Variants in DIP2C observed in about 807,000 individuals in gnomAD.
The protein encoded by DIP2C is DIP2 acetate--CoA ligase C (putative).
A neutral mutation model predicts 192.4 loss-of-function variants in DIP2C; 33 were observed. The ratio of observed to expected loss-of-function variants is 0.17; its 90% CI spans 0.13 to 0.23. The LOEUF is 0.23. Among genes scored for constraint, DIP2C ranks in the 10% least tolerant of loss-of-function variants. The pLI is 1.00. For synonymous variants in DIP2C, 979 were observed against 864.1 expected (o/e 1.13, Z -2.33); for missense variants, 1,537 against 2,110.1 (o/e 0.73, Z 5.32).
intron 1 of DIP2C, among the ~76,000 whole-genome samples, chr10:601,903 AT>A (rs1852101018): frequency 6.6e-6 from 1 of 152,102 alleles, no homozygotes. Context: ...AGGAACCAAG[AT>A]TTGGCTAACA....
rs1435691808 is a variant in DIP2C, at chr10:414,756, T to TATATATAA, written c.860-647_860-646insTTATATAT. Among the ~76,000 whole-genome samples, 43 of 132,768 alleles carry TATATATAA rather than the reference T, an allele frequency of 3.2e-4. 1 individual carries two copies. The highest frequency in any genetic ancestry group is 6.4e-4 in the Non-Finnish European group (40 of 62,816). 87.1% of individuals were successfully genotyped at this position (132,768 alleles called of 152,430 possible). A position where few individuals can be genotyped will look rare whatever the true frequency, so the allele number is the denominator to read the frequency against. ...GTGTGTGTGTACATATATATATATA[T>TATATATAA]AATGTGTATATATATAATGTGTATA... On this transcript the variant is annotated intron_variant, in intron 7 of 36. Coordinates refer to ENST00000280886, the MANE Select transcript of DIP2C (RefSeq NM_014974.3).
intron 1 of DIP2C, among the ~76,000 whole-genome samples, chr10:618,252 G>A (rs939014385): frequency 2.0e-5 from 3 of 152,144 alleles, no homozygotes; most frequent in South Asian, 2.1e-4. Context: ...TAAATTACAA[G>A]AATCTCTAAG....
chr10:665,510 C>G (rs911168497), intron 1 of DIP2C: 1 of 152,160 alleles, frequency 6.6e-6, no homozygotes, highest in Admixed American at 6.5e-5. Context: ...TAAATAAATT[C>G]TAAGTTCAGT....
chr10:362,060 G>A (rs1189412058), intron 22 of DIP2C, among the ~76,000 whole-genome samples: 2 of 151,650 alleles, frequency 1.3e-5, no homozygotes, highest in African/African-American at 2.4e-5. Flanking sequence ...GAACAATGGT[G>A]TGGGGGAAAA....
At chr10:656,239 C>CTATTT (rs1856321775) in intron 1 of DIP2C, among the ~76,000 whole-genome samples, 1 of 152,296 alleles carries the variant, frequency 6.6e-6, no homozygotes, top group African/African-American at 2.4e-5. Flanking sequence ...ACTGTTCCTT[C>CTATTT]TATGCTACCC....
intron 9 of DIP2C, 79 bp downstream of exon 9, chr10:408,847 C>T: frequency 2.1e-6 from 3 of 1,429,846 alleles, no homozygotes; most frequent in Non-Finnish European, 2.9e-6. Flanking sequence ...GCGCTGAACT[C>T]TGTAATGTTT....
chr10:594,988 T>C (rs973997719), intron 1 of DIP2C, among the ~76,000 whole-genome samples: 6 of 152,212 alleles, frequency 3.9e-5, no homozygotes, highest in Non-Finnish European at 8.8e-5. Flanking sequence ...ACCGCAGACC[T>C]GGTGCAAAGC....
At chr10:620,647 G>T (rs566201164) in intron 1 of DIP2C, among the ~76,000 whole-genome samples, 2 of 152,344 alleles carry the variant, frequency 1.3e-5, no homozygotes, top group African/African-American at 2.4e-5. Context: ...CAGAAGTGAT[G>T]ATCAGGATAC....
At chr10:530,020 TG>T (rs1290450388) in intron 1 of DIP2C, among the ~76,000 whole-genome samples, 2 of 152,226 alleles carry the variant, frequency 1.3e-5, no homozygotes, top group Non-Finnish European at 2.9e-5. Context: ...CGACCGGCTG[TG>T]TGGTCTCTAA....
At chr10:369,470 G>C (rs1408104500) in intron 18 of DIP2C, 24 bp downstream of exon 18, 2 of 1,519,970 alleles carry the variant, frequency 1.3e-6, no homozygotes, top group Non-Finnish European at 8.8e-7. Flanking sequence ...TGGTTAATCT[G>C]TGCAGCTCGC....
At chr10:566,033 C>G (rs572823311) in intron 1 of DIP2C, among the ~76,000 whole-genome samples, 1 of 152,144 alleles carries the variant, frequency 6.6e-6, no homozygotes, top group Non-Finnish European at 1.5e-5. Flanking sequence ...CAGAGAGGGG[C>G]GGATTCCAAA....
chr10:609,065 G>T (rs1483037776), intron 1 of DIP2C, among the ~76,000 whole-genome samples: 1 of 151,802 alleles, frequency 6.6e-6, no homozygotes, highest in Non-Finnish European at 1.5e-5. Flanking sequence ...AACAAAAGGA[G>T]TATCACAAAA....
chr10:566,412 C>T (rs771775421), intron 1 of DIP2C, among the ~76,000 whole-genome samples: 5 of 152,220 alleles, frequency 3.3e-5, no homozygotes, highest in Admixed American at 1.3e-4. Context: ...CCACCAGAGG[C>T]GCCACCAAAC....
At chr10:393,086 A>G (rs1963628023) in intron 10 of DIP2C, among the ~76,000 whole-genome samples, 1 of 152,164 alleles carries the variant, frequency 6.6e-6, no homozygotes, top group South Asian at 2.1e-4. Context: ...TGTCCTTGGA[A>G]AGGTGGCGTC....
At chr10:353,924 C>T (rs184094162) in intron 24 of DIP2C, among the ~76,000 whole-genome samples, 35 of 152,334 alleles carry the variant, frequency 2.3e-4, no homozygotes, top group African/African-American at 5.8e-4. Context: ...TTCCGCTGGA[C>T]GGTGCTGAAC....
At chr10:292,691 C>T (rs1170680519) in intron 32 of DIP2C, among the ~76,000 whole-genome samples, 2 of 152,234 alleles carry the variant, frequency 1.3e-5, no homozygotes, top group Non-Finnish European at 2.9e-5. Flanking sequence ...TGGCATCACA[C>T]GTCTGGCCTC....
chr10:403,639 TATGGA>T, intron 9 of DIP2C, among the ~76,000 whole-genome samples: 1 of 127,618 alleles, frequency 7.8e-6, no homozygotes, highest in East Asian at 2.4e-4. Context: ...TACTCTTCCT[TATGGA>T]CAAGTTTGGT....
In DIP2C at chr10:456,353, CGT is replaced by C. The variant is rs1969293576; in HGVS notation, c.269-15359_269-15358del. Among the ~76,000 whole-genome samples the C allele has an allele frequency of 3.0e-5, 3 of 100,190 alleles. No individual in the cohort carries two copies. The South Asian group carries it at 1.0e-3, about 34-fold the overall frequency. 65.7% of individuals were successfully genotyped at this position (100,190 alleles called of 152,430 possible). On this transcript the variant is annotated intron_variant, in intron 3 of 36. Transcript: ENST00000280886. ...AGTGAGTCCCTGCCTGAGGGGAGGC[CGT>C]GAGGAGTAAATGAGATGAGAACACT...
intron 1 of DIP2C, among the ~76,000 whole-genome samples, chr10:635,696 G>A (rs946298976): frequency 6.6e-5 from 10 of 152,222 alleles, no homozygotes; most frequent in South Asian, 2.1e-4. Flanking sequence ...CTGAGCCCCC[G>A]GGGAAGGCGG....
Sources: gnomAD v4.1 joint callset for allele counts (sites outside exome capture counted in the v4.1 genomes callset) on GRCh38, gnomAD v4.1.1 for gene constraint, MANE v1.5 for transcripts, NCBI Gene and HGNC (gene_info 2026-07-23, HGNC 2026-07-21) for gene names.